Variants in PRUNE2 observed in about 807,000 individuals in gnomAD.
PRUNE2 encodes prune homolog 2 with BCH domain.
In PRUNE2, 164 loss-of-function variants were observed where a neutral mutation model predicts 252.0. The ratio of observed to expected loss-of-function variants is 0.65; its 90% CI spans 0.57 to 0.74. The LOEUF (loss-of-function observed/expected upper bound fraction) is 0.74. Ranked by LOEUF, PRUNE2 falls within the 30% of genes least tolerant of loss-of-function variation. The pLI is 0.00. For missense variants in PRUNE2, 3,495 were observed against 3,711.0 expected, an observed-to-expected ratio of 0.94 and a Z score of 1.51; for synonymous variants, 1,292 against 1,350.2, an observed-to-expected ratio of 0.96 and a Z score of 0.94.
intron 1 of PRUNE2, among the ~76,000 whole-genome samples, chr9:76,895,109 T>C (rs933260867): frequency 1.3e-5 from 2 of 152,180 alleles, no homozygotes; most frequent in Admixed American, 6.5e-5. Flanking sequence ...GTCCTGTTTT[T>C]TCAACTGAGG....
chr9:76,803,086 T>C (rs1402050245), intron 6 of PRUNE2, among the ~76,000 whole-genome samples: 1 of 152,170 alleles, frequency 6.6e-6, no homozygotes, highest in Non-Finnish European at 1.5e-5. Flanking sequence ...CAGCCTCAGA[T>C]AGTCAAAATC....
At chr9:76,854,247 TG>T in intron 1 of PRUNE2, 39 bp from the exon 2 acceptor site, 2 of 1,108,776 alleles carry the variant, frequency 1.8e-6, no homozygotes, top group Non-Finnish European at 2.7e-6. Context: ...ATTTAACAGG[TG>T]ACAGATTAAT....
At chr9:76,897,760 C>A (rs2062929010) in intron 1 of PRUNE2, among the ~76,000 whole-genome samples, 1 of 152,010 alleles carries the variant, frequency 6.6e-6, no homozygotes. Flanking sequence ...TTGGCAACTG[C>A]AAAAGGAGAT....
intron 9 of PRUNE2, among the ~76,000 whole-genome samples, chr9:76,697,386 G>T (rs915673539): frequency 2.0e-5 from 3 of 152,138 alleles, no homozygotes; most frequent in Admixed American, 2.0e-4. Flanking sequence ...ACATTGAGGG[G>T]CTTTGATGCT....
At chr9:76,654,840 T>C (rs558641423) in intron 10 of PRUNE2, among the ~76,000 whole-genome samples, 26 of 152,324 alleles carry the variant, frequency 1.7e-4, no homozygotes, top group Admixed American at 1.1e-3. Flanking sequence ...CACTGTAGGC[T>C]TGGCTGAGAA....
intron 6 of PRUNE2, among the ~76,000 whole-genome samples, chr9:76,754,964 CAAAAAAAAAAA>C (rs11292120): frequency 1.5e-5 from 1 of 67,964 alleles, no homozygotes; most frequent in African/African-American, 4.9e-5. Flanking sequence ...GACTCGGTCT[CAAAAAAAAAAA>C]AAAAAAAAAA....
chr9:76,749,371 C>T (rs1188364893), intron 6 of PRUNE2, among the ~76,000 whole-genome samples: 1 of 152,200 alleles, frequency 6.6e-6, no homozygotes, highest in South Asian at 2.1e-4. Context: ...AGTTTTCAGA[C>T]AAAGCCCTGC....
At chr9:76,873,191 A>T (rs748419284) in intron 1 of PRUNE2, among the ~76,000 whole-genome samples, 1 of 152,010 alleles carries the variant, frequency 6.6e-6, no homozygotes, top group Non-Finnish European at 1.5e-5. Context: ...GAGACAGTAA[A>T]TTTCTGTTGT....
chr9:76,774,869 A>G (rs2053569724), intron 6 of PRUNE2, among the ~76,000 whole-genome samples: 1 of 152,220 alleles, frequency 6.6e-6, no homozygotes, highest in Non-Finnish European at 1.5e-5. Context: ...TTAGAGACAG[A>G]AAAACATGAG....
At chr9:76,836,335 T>C (rs527290337) in intron 4 of PRUNE2, among the ~76,000 whole-genome samples, 4 of 94,952 alleles carry the variant, frequency 4.2e-5, no homozygotes, top group Non-Finnish European at 4.5e-5. Flanking sequence ...TTATGGAACA[T>C]TCATGCCTTG....
At position 76,707,930 on chromosome 9, in the gene PRUNE2, A is replaced by T; in HGVS notation, c.4344T>A (p.Asp1448Glu). The stretch of plus-strand genomic sequence containing the variant: ...ATACATATTTTGTGAAATTCATCCC[A>T]TCTGAAGTCTCAGTAGTTTCACCTG... ...RNSGETTETS[D>E]GMNFTKYVSV... The change falls in exon 8 of 19, where the codon GAT (aspartate) becomes GAA (glutamate). Residue 1448 changes from aspartate to glutamate, a missense_variant. Physicochemically the swap from Asp to Glu is conservative, Grantham distance 45 (BLOSUM62 2). Transcript: ENST00000376718. 6.2e-7 allele frequency: 1 copy of T among 1,613,914 alleles called. No individual in the cohort carries two copies. Among genetic ancestry groups the T allele is most frequent in the Non-Finnish European group, 8.5e-7 (1 of 1,179,878 alleles).
intron 6 of PRUNE2, chr9:76,784,175 TG>T (rs1397842733): frequency 6.6e-6 from 1 of 152,206 alleles, no homozygotes; most frequent in Non-Finnish European, 1.5e-5. Context: ...GCCCTGTGCC[TG>T]GTCCCGCTTG....
intron 6 of PRUNE2, among the ~76,000 whole-genome samples, chr9:76,772,304 T>C (rs2053199053): frequency 6.6e-6 from 1 of 152,190 alleles, no homozygotes; most frequent in Admixed American, 6.5e-5. Context: ...GACTCTTCAA[T>C]AGTTACAATT....
chr9:76,644,183 A>G (rs1337443498), intron 12 of PRUNE2, among the ~76,000 whole-genome samples: 1 of 152,120 alleles, frequency 6.6e-6, no homozygotes, highest in Non-Finnish European at 1.5e-5. Flanking sequence ...CTCTCACCAA[A>G]CAGGTGGAGG....
At chr9:76,670,930 G>A (rs1205082156) in intron 9 of PRUNE2, among the ~76,000 whole-genome samples, 2 of 151,954 alleles carry the variant, frequency 1.3e-5, no homozygotes, top group African/African-American at 4.8e-5. Flanking sequence ...ACCAAAAGTA[G>A]ATAAAAACCA....
intron 9 of PRUNE2, among the ~76,000 whole-genome samples, chr9:76,702,653 C>T (rs2045985499): frequency 1.5e-5 from 2 of 135,328 alleles, no homozygotes; most frequent in Non-Finnish European, 3.3e-5. Context: ...GACAGTTTGC[C>T]AATTTCTCTG....
At chr9:76,697,812 A>ATCTCATT (rs2045527528) in intron 9 of PRUNE2, among the ~76,000 whole-genome samples, 1 of 152,224 alleles carries the variant, frequency 6.6e-6, no homozygotes, top group African/African-American at 2.4e-5. Context: ...CAGTTTGCTC[A>ATCTCATT]TCTGGCTGGG....
At chr9:76,843,797 C>T (rs1263490646) in intron 4 of PRUNE2, among the ~76,000 whole-genome samples, 2 of 142,104 alleles carry the variant, frequency 1.4e-5, no homozygotes, top group Non-Finnish European at 3.0e-5. Flanking sequence ...GGTGAGATCT[C>T]GGCTCACTGC....
rs1206016263 is a variant in PRUNE2, at chr9:76,614,587, G to C, written c.9250C>G (p.Leu3084Val). 7.4e-6 allele frequency: 12 copies of C among 1,611,856 alleles called. No individual in the cohort carries two copies. The highest frequency in any genetic ancestry group is 1.3e-5 in the African/African-American group (1 of 74,852). Reference protein sequence around the residue: ...SSMEKDIDLKLKEKP With the variant: ...SSMEKDIDLKVKEKP Reference sequence around the variant, plus strand: ...ATGGCCAACTAAGGCTTTTCTTTCAGCTTCAAGTCAATACTGCAAAGAAAA... The same window carrying C: ...ATGGCCAACTAAGGCTTTTCTTTCACCTTCAAGTCAATACTGCAAAGAAAA... The change falls in exon 19 of 19, where the codon CTG becomes GTG. Residue 3084 changes from leucine to valine, a missense_variant. Physicochemically the swap from Leu to Val is conservative, Grantham distance 32 (BLOSUM62 1). Transcript: ENST00000376718.
Sources: allele counts gnomAD v4.1 joint callset (sites outside exome capture counted in the v4.1 genomes callset), GRCh38; gene constraint gnomAD v4.1.1; transcripts MANE v1.5; gene names NCBI Gene and HGNC (gene_info 2026-07-23, HGNC 2026-07-21).